Variants in DICER1 observed in about 807,000 individuals in gnomAD.
DICER1 encodes the protein dicer 1, ribonuclease III, also known as endoribonuclease Dicer.
DICER1 carries 43 observed loss-of-function variants against 194.1 expected under a neutral mutation model. The ratio of observed to expected loss-of-function variants is 0.22; its 90% confidence interval spans 0.17 to 0.29. The LOEUF is 0.29. Ranked by LOEUF, DICER1 falls within the 10% of genes least tolerant of loss-of-function variation. The pLI, the probability that DICER1 is intolerant of heterozygous loss-of-function variation, is 1.00. For synonymous variants in DICER1, 832 were observed against 820.5 expected (o/e 1.01, Z -0.24); for missense variants, 1,608 against 2,317.0 (o/e 0.69, Z 6.28).
intron 12 of DICER1, among the ~76,000 whole-genome samples, chr14:95,112,710 G>C (rs1038599050): frequency 1.3e-5 from 2 of 152,118 alleles, no homozygotes. Flanking sequence ...AAAATAACTA[G>C]GACAACGCAA....
Position 95,095,925 on chromosome 14 carries a change from C to T in DICER1, c.4995G>A (p.Gly1665=), listed in dbSNP as rs757430396. Residue 1665 remains glycine, a synonymous_variant, in exon 23 of 27, where the codon GGG becomes GGA. Coordinates refer to ENST00000343455, the MANE Select transcript of DICER1 (RefSeq NM_177438.3). ...TGATTTTCTTTTCAAAATTTTCAAA[C>T]CCCGATATAAGGTGATTCAGTGTTT... ...ADKTLNHLIS[G]FENFEKKINY... is the part of the protein sequence containing the mutation. 15 of 1,613,976 alleles carry T rather than the reference C, an allele frequency of 9.3e-6. No homozygotes were observed. The highest frequency in any genetic ancestry group is 2.2e-5 in the South Asian group (2 of 91,072).
intron 1 of DICER1, among the ~76,000 whole-genome samples, chr14:95,152,548 T>TG (rs1402432672): frequency 8.5e-5 from 13 of 152,180 alleles, no homozygotes; most frequent in African/African-American, 3.1e-4. Flanking sequence ...ACCAAGAACA[T>TG]GTAATGCTGT....
chr14:95,097,954 A>T (rs756480168), intron 22 of DICER1, among the ~76,000 whole-genome samples: 53 of 152,236 alleles, frequency 3.5e-4, no homozygotes, highest in Admixed American at 5.9e-4. Flanking sequence ...CCAAGGCAAC[A>T]TGAAGATGTT....
In DICER1 at chr14:95,115,697, G is replaced by T. The variant is rs375579739; in HGVS notation, c.1877C>A (p.Thr626Lys). ...LRPDDGGPRV[T>K]INTAIGHINR... ...GATGTGTCCAATGGCCGTGTTGATTGTGACTCGTGGACCACCATCGTCAGG... is the reference window on the plus strand; with the variant it reads ...GATGTGTCCAATGGCCGTGTTGATTTTGACTCGTGGACCACCATCGTCAGG... The change falls in exon 11 of 27, where the codon ACA becomes AAA. Residue 626 changes from threonine to lysine, a missense_variant. Transcript: ENST00000343455. 3.1e-6 allele frequency: 5 copies of T among 1,614,002 alleles called. No homozygotes were observed. The African/African-American group carries it at 6.7e-5, about 22-fold the overall frequency.
chr14:95,092,398 C>T (rs1323662072), intron 24 of DICER1, among the ~76,000 whole-genome samples: 1 of 151,994 alleles, frequency 6.6e-6, no homozygotes, highest in African/African-American at 2.4e-5. Flanking sequence ...CTAAAATCAA[C>T]ACAAATCATT....
chr14:95,102,962 C>A (rs904064409), intron 21 of DICER1, among the ~76,000 whole-genome samples: 4 of 152,208 alleles, frequency 2.6e-5, no homozygotes, highest in African/African-American at 9.7e-5. Flanking sequence ...CGTACCCTCT[C>A]AAATAAATGT....
chr14:95,093,875 G>C lies in DICER1; in HGVS notation c.5364+13C>G. Reference sequence around the variant, plus strand: ...AGACCACTTTTTTCAACATCGTTTTGAACAGCACTAACCTCAGAATCCATT... The same window carrying C: ...AGACCACTTTTTTCAACATCGTTTTCAACAGCACTAACCTCAGAATCCATT... On this transcript the variant is annotated intron_variant, in intron 24 of 26. Coordinates refer to ENST00000343455, the MANE Select transcript of DICER1 (RefSeq NM_177438.3). 6.2e-7 allele frequency: 1 copy of C among 1,613,884 alleles called. No homozygotes were observed. The highest frequency in any genetic ancestry group is 8.5e-7 in the Non-Finnish European group (1 of 1,179,908).
At position 95,100,420 on chromosome 14, in the gene DICER1, T is replaced by A. The variant is rs373156211; in HGVS notation, c.4051-485A>T. Among the ~76,000 whole-genome samples the A allele has an allele frequency of 1.3e-3, 198 of 152,300 alleles. 2 individuals are homozygous for A. The highest frequency in any genetic ancestry group is 4.5e-3 in the African/African-American group (189 of 41,564). On this transcript the variant is annotated intron_variant, in intron 21 of 26. Coordinates refer to ENST00000343455, the MANE Select transcript of DICER1 (RefSeq NM_177438.3). Reference sequence around the variant, plus strand: ...CTGGCACCGAACAAAACTGAAACAATGTTATATTCCTAGAATCGAAGCCAC... The same window carrying A: ...CTGGCACCGAACAAAACTGAAACAAAGTTATATTCCTAGAATCGAAGCCAC...
chr14:95,128,247 A>C (rs1893650895), intron 6 of DICER1, among the ~76,000 whole-genome samples: 1 of 152,226 alleles, frequency 6.6e-6, no homozygotes. Flanking sequence ...ATTTATACTC[A>C]ACCAAAGAGT....
At chr14:95,138,544 C>A (rs974441072) in intron 1 of DICER1, among the ~76,000 whole-genome samples, 2 of 152,002 alleles carry the variant, frequency 1.3e-5, no homozygotes, top group Non-Finnish European at 2.9e-5. Flanking sequence ...GAATGGAATT[C>A]ATTAAAAAGT....
chr14:95,153,332 T>G (rs1895639106), intron 1 of DICER1, among the ~76,000 whole-genome samples: 1 of 152,134 alleles, frequency 6.6e-6, no homozygotes, highest in African/African-American at 2.4e-5. Flanking sequence ...ACAGCCTGAA[T>G]GAGACAACTG....
intron 1 of DICER1, among the ~76,000 whole-genome samples, chr14:95,144,798 G>C (rs1895030586): frequency 6.6e-6 from 1 of 152,070 alleles, no homozygotes; most frequent in South Asian, 2.1e-4. Context: ...AAGCAATTAA[G>C]AATCAACAGA....
intron 21 of DICER1, among the ~76,000 whole-genome samples, chr14:95,100,711 C>T (rs1416379126): frequency 6.6e-6 from 1 of 152,142 alleles, no homozygotes; most frequent in Non-Finnish European, 1.5e-5. Flanking sequence ...TTTTCATTTT[C>T]ATAAAGCTCG....
intron 13 of DICER1, 59 bp downstream of exon 13, chr14:95,112,113 T>C: frequency 1.4e-6 from 2 of 1,478,698 alleles, no homozygotes; most frequent in Non-Finnish European, 1.9e-6. Context: ...TCTATATGCT[T>C]TTTTTTTACA....
intron 23 of DICER1, chr14:95,095,316 C>A: frequency 5.5e-6 from 1 of 181,828 alleles, no homozygotes. Flanking sequence ...TAGAAGATGA[C>A]AGCAGAGTCA....
chr14:95,146,535 C>T (rs541762767), intron 1 of DICER1, among the ~76,000 whole-genome samples: 7 of 152,222 alleles, frequency 4.6e-5, no homozygotes, highest in Non-Finnish European at 1.0e-4. Flanking sequence ...TGTTTCATTG[C>T]TCAATAAAAT....
At chr14:95,125,920 G>A (rs1469407678) in intron 7 of DICER1, among the ~76,000 whole-genome samples, 1 of 152,140 alleles carries the variant, frequency 6.6e-6, no homozygotes, top group African/African-American at 2.4e-5. Flanking sequence ...TGAGAAAAAT[G>A]TGGGCACTGC....
rs1190256792 is a variant in DICER1 at position 95,103,880 on chromosome 14, A to C, written c.3516T>G (p.Leu1172=). The stretch of plus-strand genomic sequence containing the variant: ...TGTAAGAAAGACCATTAATTGCTGT[A>C]AGATCTGCTGAAACTTCAACGTGGA... ...GKLHVEVSAD[L]TAINGLSYNQ... is the part of the protein sequence containing the mutation. The change falls in exon 21 of 27, where the codon CTT becomes CTG. Residue 1172 remains leucine (L), a synonymous_variant. Coordinates refer to ENST00000343455, the MANE Select transcript of DICER1 (RefSeq NM_177438.3). 1.2e-6 allele frequency: 2 copies of C among 1,614,070 alleles called. No homozygotes were observed. Among genetic ancestry groups the C allele is most frequent in the Non-Finnish European group, 1.7e-6 (2 of 1,180,038 alleles).
intron 17 of DICER1, among the ~76,000 whole-genome samples, chr14:95,106,764 A>C (rs140593612): frequency 6.6e-6 from 1 of 152,110 alleles, no homozygotes; most frequent in Non-Finnish European, 1.5e-5. Context: ...TCCATTCCCT[A>C]AATTTTTATA....
Sources: allele counts gnomAD v4.1 joint callset (sites outside exome capture counted in the v4.1 genomes callset), GRCh38; gene constraint gnomAD v4.1.1; transcripts MANE v1.5; gene names NCBI Gene and HGNC (gene_info 2026-07-23, HGNC 2026-07-21).